The following DNAJC24 variants were observed in gnomAD, a reference collection of about 807,000 sequenced individuals.
DNAJC24 encodes DnaJ heat shock protein family (Hsp40) member C24.
DNAJC24 carries 17 observed loss-of-function variants against 18.0 expected under a neutral mutation model. The observed-to-expected ratio is 0.94, with a 90% CI of 0.65 to 1.42. The LOEUF is 1.42. Ranked by LOEUF, DNAJC24 falls within the 40% of genes most tolerant of loss-of-function variation. The probability of loss-of-function intolerance (pLI) is 0.00; values close to 1 mark genes in which losing one functional copy is unlikely to be tolerated. For missense variants in DNAJC24, 158 were observed against 175.6 expected, an observed-to-expected ratio of 0.90 and a Z score of 0.57; for synonymous variants, 55 against 57.7, an observed-to-expected ratio of 0.95 and a Z score of 0.21.
At chr11:31,401,175 T>A (rs1028769049) in intron 2 of DNAJC24, among the ~76,000 whole-genome samples, 3 of 152,178 alleles carry the variant, frequency 2.0e-5, no homozygotes, top group Non-Finnish European at 4.4e-5. Context: ...AACCAGGAGA[T>A]ACCATCTCAC....
intron 3 of DNAJC24, among the ~76,000 whole-genome samples, chr11:31,418,282 GA>G (rs1239903900): frequency 1.3e-5 from 2 of 152,086 alleles, no homozygotes; most frequent in Admixed American, 6.6e-5. Context: ...TAGCACTTTG[GA>G]AAACCCTTTC....
intron 2 of DNAJC24, among the ~76,000 whole-genome samples, chr11:31,383,994 A>C (rs1008694640): frequency 6.6e-6 from 1 of 152,254 alleles, no homozygotes; most frequent in African/African-American, 2.4e-5. Context: ...CTCTCAGGGC[A>C]AAAACACCTT....
intron 3 of DNAJC24, 198 bp downstream of exon 3, chr11:31,415,147 C>CT: frequency 2.0e-6 from 1 of 495,110 alleles, no homozygotes; most frequent in Non-Finnish European, 3.3e-6. Context: ...AACAAAACTA[C>CT]TAGGATGTGG....
chr11:31,386,311 A>G (rs1257774438), intron 2 of DNAJC24, among the ~76,000 whole-genome samples: 3 of 151,686 alleles, frequency 2.0e-5, no homozygotes, highest in Non-Finnish European at 4.4e-5. Context: ...ACCCTAGGCA[A>G]TGCAGCTTAC....
intron 2 of DNAJC24, chr11:31,408,193 T>C (rs1417663583): frequency 2.2e-6 from 1 of 456,266 alleles, no homozygotes; most frequent in East Asian, 6.9e-5. Flanking sequence ...GAAGCACTCA[T>C]CTTCTGACTT....
intron 2 of DNAJC24, among the ~76,000 whole-genome samples, chr11:31,399,743 T>TC (rs1227674644): frequency 4.8e-5 from 7 of 145,484 alleles, no homozygotes; most frequent in Middle Eastern, 3.5e-3. Flanking sequence ...TTTTTTCTTT[T>TC]TTTTTTTTTT....
At chr11:31,397,495 A>G (rs1443948804) in intron 2 of DNAJC24, among the ~76,000 whole-genome samples, 1 of 132,086 alleles carries the variant, frequency 7.6e-6, no homozygotes, top group Non-Finnish European at 1.6e-5. Context: ...TTTTTTTTTC[A>G]GCTTTCATAA....
chr11:31,416,953 A>G (rs1952756218), intron 3 of DNAJC24: 1 of 152,144 alleles, frequency 6.6e-6, no homozygotes, highest in African/African-American at 2.4e-5. Context: ...GTCACAGGGT[A>G]CTCCTGTAGG....
intron 3 of DNAJC24, among the ~76,000 whole-genome samples, chr11:31,423,972 A>G (rs1952836090): frequency 6.6e-6 from 1 of 152,222 alleles, no homozygotes; most frequent in Non-Finnish European, 1.5e-5. Context: ...GATAGTAATA[A>G]AACTGAAAAA....
At chr11:31,373,489 T>C (rs1165237976) in intron 2 of DNAJC24, among the ~76,000 whole-genome samples, 1 of 135,674 alleles carries the variant, frequency 7.4e-6, no homozygotes, top group Non-Finnish European at 1.7e-5. Context: ...ACCTCCATCT[T>C]GATTACTGTA....
chr11:31,407,374 A>G (rs754508251), intron 2 of DNAJC24: 39 of 152,202 alleles, frequency 2.6e-4, no homozygotes, highest in Non-Finnish European at 4.8e-4. Flanking sequence ...CTGTAAAGAA[A>G]TATCATTTCA....
At chr11:31,414,728 A>C in intron 2 of DNAJC24, 83 bp from the exon 3 acceptor site, 3 of 1,417,638 alleles carry the variant, frequency 2.1e-6, no homozygotes. Context: ...TTCTTAACTA[A>C]AGCTCAGATT....
chr11:31,381,132 G>A (rs745758789), intron 2 of DNAJC24, among the ~76,000 whole-genome samples: 1 of 152,000 alleles, frequency 6.6e-6, no homozygotes, highest in Non-Finnish European at 1.5e-5. Context: ...TACTTGTAAG[G>A]TATACATAAA....
chr11:31,379,433 C>T (rs1216636583), intron 2 of DNAJC24, among the ~76,000 whole-genome samples: 1 of 152,170 alleles, frequency 6.6e-6, no homozygotes, highest in Non-Finnish European at 1.5e-5. Flanking sequence ...TTGTTTTCCA[C>T]AAAACTGGTC....
At chr11:31,414,785 C>A (rs763952784) in intron 2 of DNAJC24, 26 bp from the exon 3 acceptor site, 1 of 1,608,524 alleles carries the variant, frequency 6.2e-7, no homozygotes, top group South Asian at 1.1e-5. Context: ...CTACTCACCC[C>A]CTGCACCCTT....
At chr11:31,421,302 A>C (rs1952801758) in intron 3 of DNAJC24, among the ~76,000 whole-genome samples, 1 of 152,352 alleles carries the variant, frequency 6.6e-6, no homozygotes, top group South Asian at 2.1e-4. Context: ...GTTTTAAGAG[A>C]GCAAGATACT....
intron 2 of DNAJC24, among the ~76,000 whole-genome samples, chr11:31,405,466 T>C (rs1223109307): frequency 6.6e-6 from 1 of 151,680 alleles, no homozygotes; most frequent in Non-Finnish European, 1.5e-5. Context: ...TATATCAGAA[T>C]ACCACAGACT....
chr11:31,430,482 T>C lies in DNAJC24; in HGVS notation c.*81T>C. ...GTTGAGCTTTGTCCATTCAAGGAAA[T>C]GGATTATTTGTCAGCCCGATTATTT... On this transcript the variant is annotated 3_prime_UTR_variant, in exon 5 of 5. Coordinates refer to ENST00000465995, the MANE Select transcript of DNAJC24 (RefSeq NM_181706.5). 7.8e-7 allele frequency: 1 copy of C among 1,286,532 alleles called. No individual in the cohort carries two copies. The highest frequency in any genetic ancestry group is 1.0e-6 in the Non-Finnish European group (1 of 961,768). The allele number at this position is 1,286,532 out of a possible 1,614,324, so 79.7% of individuals were successfully genotyped here. A position where few individuals can be genotyped will look rare whatever the true frequency, so the allele number is the denominator to read the frequency against.
intron 2 of DNAJC24, among the ~76,000 whole-genome samples, chr11:31,412,513 A>C (rs974848389): frequency 6.6e-6 from 1 of 152,214 alleles, no homozygotes. Flanking sequence ...GGTCAGCTAG[A>C]GAACTTTAAT....
Sources: gnomAD v4.1 joint callset for allele counts (sites outside exome capture counted in the v4.1 genomes callset) on GRCh38, gnomAD v4.1.1 for gene constraint, MANE v1.5 for transcripts, NCBI Gene and HGNC (gene_info 2026-07-23, HGNC 2026-07-21) for gene names.